Variants in RIMBP2 observed in about 807,000 individuals in gnomAD.
RIMBP2 encodes the protein RIMS-binding protein 2.
A neutral mutation model predicts 118.6 loss-of-function variants in RIMBP2; 48 were observed. That is an observed-to-expected ratio of 0.40 (90% CI 0.32 to 0.51). The LOEUF (loss-of-function observed/expected upper bound fraction) is 0.51. Ranked by LOEUF, RIMBP2 falls within the 20% of genes least tolerant of loss-of-function variation. The probability of loss-of-function intolerance (pLI) is 0.41; values close to 1 mark genes in which losing one functional copy is unlikely to be tolerated. For missense variants in RIMBP2, 1,551 were observed against 1,768.3 expected (o/e 0.88, Z 2.20); for synonymous variants, 762 against 742.9 (o/e 1.03, Z -0.42).
At chr12:130,514,885 CT>C (rs36058610) in intron 3 of RIMBP2, among the ~76,000 whole-genome samples, 3 of 150,920 alleles carry the variant, frequency 2.0e-5, no homozygotes, top group Non-Finnish European at 4.4e-5. Context: ...TATTAAGACA[CT>C]TTTTTTTTGA....
chr12:130,662,731 G>A (rs1448568171), intron 1 of RIMBP2, among the ~76,000 whole-genome samples: 12 of 152,108 alleles, frequency 7.9e-5, no homozygotes, highest in Admixed American at 7.9e-4. Flanking sequence ...CAAGGCAGGA[G>A]GATTGCTTGA....
At chr12:130,653,452 C>A (rs1238162623) in intron 1 of RIMBP2, among the ~76,000 whole-genome samples, 1 of 152,238 alleles carries the variant, frequency 6.6e-6, no homozygotes, top group Non-Finnish European at 1.5e-5. Context: ...CAGGGTGCAG[C>A]TCCCACGGCT....
At chr12:130,545,120 T>C (rs1431728632) in intron 2 of RIMBP2, among the ~76,000 whole-genome samples, 1 of 152,220 alleles carries the variant, frequency 6.6e-6, no homozygotes, top group Non-Finnish European at 1.5e-5. Flanking sequence ...ATTGTACCTA[T>C]ATATCATTGT....
intron 2 of RIMBP2, among the ~76,000 whole-genome samples, chr12:130,541,858 A>G (rs2054639393): frequency 6.6e-6 from 1 of 152,198 alleles, no homozygotes; most frequent in Non-Finnish European, 1.5e-5. Flanking sequence ...TTCTAGGTGT[A>G]CTAGCTCATG....
At position 130,424,334 on chromosome 12, in the gene RIMBP2, GC is replaced by G; in HGVS notation, c.2936del (p.Gly979AlafsTer42). 1 of 1,231,960 alleles carries G rather than the reference GC, an allele frequency of 8.1e-7. No homozygotes were observed. Among genetic ancestry groups the G allele is most frequent in the Non-Finnish European group, 1.0e-6 (1 of 987,882 alleles). 76.3% of individuals were successfully genotyped at this position (1,231,960 alleles called of 1,614,324 possible). A position where few individuals can be genotyped will look rare whatever the true frequency, so the allele number is the denominator to read the frequency against. On this transcript the variant is annotated frameshift_variant, in exon 16 of 23. Transcript: ENST00000690449. LOFTEE classifies it high-confidence loss of function. This position sits in a 1 kb window ranked among gnomAD's most constrained non-coding sequence, Gnocchi z 9.8. ...CGTCGTTCCTGAGGAGGCCACCAGG[GC>G]CCACCTGCTCCCCAAAGTCCTCCTC... ...SVEEDFGEQVGPGGLLRNDDP... is the reference protein window; with the variant it reads ...SVEEDFGEQVXPGGLLRNDDP...
rs1258438184 is a variant in RIMBP2 at position 130,576,199 on chromosome 12, G to A, written c.-217+52123C>T. ...GTAGGAACCTTGCTTTGTATCCTGA[G>A]CATGAGAAGACGTCTTTTTTACCTT... On this transcript the variant is annotated intron_variant, in intron 2 of 22. Coordinates refer to ENST00000690449, the MANE Select transcript of RIMBP2 (RefSeq NM_001393629.1). This position sits in a 1 kb window ranked among gnomAD's most constrained non-coding sequence, Gnocchi z 4.2. 6.6e-6 allele frequency among the ~76,000 whole-genome samples: 1 copy of A among 152,148 alleles called. No individual in the cohort carries two copies. Among genetic ancestry groups the A allele is most frequent in the Non-Finnish European group, 1.5e-5 (1 of 68,024 alleles).
At chr12:130,486,553 A>G (rs1234687881) in intron 4 of RIMBP2, among the ~76,000 whole-genome samples, 1 of 151,310 alleles carries the variant, frequency 6.6e-6, no homozygotes, top group Non-Finnish European at 1.5e-5. Context: ...TGTCCGAAAT[A>G]GAATTCTTGA....
chr12:130,552,927 C>T (rs573597290), intron 2 of RIMBP2, among the ~76,000 whole-genome samples: 2 of 151,910 alleles, frequency 1.3e-5, no homozygotes, highest in African/African-American at 4.8e-5. Flanking sequence ...CCGAGGCAGG[C>T]GGATCACGAG....
chr12:130,461,214 G>A (rs1414111960), intron 6 of RIMBP2, among the ~76,000 whole-genome samples: 1 of 152,120 alleles, frequency 6.6e-6, no homozygotes, highest in Non-Finnish European at 1.5e-5. Context: ...TTGTAGGGAC[G>A]CTGGCTCTGC....
intron 13 of RIMBP2, among the ~76,000 whole-genome samples, chr12:130,435,267 C>G (rs1027030243): frequency 2.0e-5 from 3 of 152,106 alleles, no homozygotes; most frequent in Non-Finnish European, 4.4e-5. Flanking sequence ...TGGTCTCAAA[C>G]TCCTGAGCTC....
chr12:130,503,406 A>AT (rs397956054), intron 4 of RIMBP2, among the ~76,000 whole-genome samples: 2 of 88,998 alleles, frequency 2.2e-5, no homozygotes, highest in Non-Finnish European at 5.6e-5. Context: ...AAAAGAAAAA[A>AT]CAAAAAACAA....
chr12:130,649,368 G>A (rs2063126988), intron 1 of RIMBP2, among the ~76,000 whole-genome samples: 1 of 152,196 alleles, frequency 6.6e-6, no homozygotes, highest in African/African-American at 2.4e-5. Flanking sequence ...CTCCGTGGCC[G>A]CCCAACCCCT....
chr12:130,566,709 G>C (rs2057246027), intron 2 of RIMBP2, among the ~76,000 whole-genome samples: 1 of 152,240 alleles, frequency 6.6e-6, no homozygotes, highest in Non-Finnish European at 1.5e-5. Context: ...AGAAGCTGAA[G>C]CCAGACCAGG....
chr12:130,479,263 G>A (rs974020169), intron 4 of RIMBP2, among the ~76,000 whole-genome samples: 2 of 152,234 alleles, frequency 1.3e-5, no homozygotes, highest in South Asian at 2.1e-4. Context: ...CAAATGCAGC[G>A]AGCATTTGAG....
chr12:130,437,127 G>A lies in RIMBP2; in HGVS notation c.1821C>T (p.Thr607=), dbSNP rs763651282. 6.3e-7 allele frequency: 1 copy of A among 1,585,492 alleles called. No homozygotes were observed. Among genetic ancestry groups the A allele is most frequent in the Admixed American group, 1.7e-5 (1 of 57,272 alleles). Residue 607 remains threonine (T), a synonymous_variant, in exon 13 of 23, where the codon ACC becomes ACT. Coordinates refer to ENST00000690449, the MANE Select transcript of RIMBP2 (RefSeq NM_001393629.1). The part of the protein sequence containing the change: ...AVPPELLVPP[T]PHPRPAPQSK... ...ATTGGGGTGCAGGTCTCGGGTGGGG[G>A]GTAGGAGGCACCAGGAGCTCGGGGG...
intron 4 of RIMBP2, among the ~76,000 whole-genome samples, chr12:130,481,806 A>G (rs2082031777): frequency 1.3e-5 from 2 of 152,080 alleles, no homozygotes; most frequent in African/African-American, 4.8e-5. Flanking sequence ...TATTTGCTGC[A>G]CAGCCCTCCC....
chr12:130,665,610 C>A (rs1416723803), intron 1 of RIMBP2, among the ~76,000 whole-genome samples: 5 of 151,688 alleles, frequency 3.3e-5, no homozygotes, highest in African/African-American at 9.8e-5. Flanking sequence ...CGTGAGGAAC[C>A]TTCTGTAAAA....
rs78546946 is a variant in RIMBP2, at chr12:130,612,582, T to C, written c.-217+15740A>G. ...AGCACATTATGGGAAAATGGTGTTT[T>C]TTAAAATAATTAAAACACCATTTGA... is the stretch of plus-strand genomic sequence containing the variant. On this transcript the variant is annotated intron_variant, in intron 2 of 22. Transcript: ENST00000690449. Among the ~76,000 whole-genome samples, 1,258 of 152,314 alleles carry C rather than the reference T, an allele frequency of 8.3e-3. 21 individuals are homozygous for C. Among genetic ancestry groups the C allele is most frequent in the African/African-American group, 0.029 (1,207 of 41,572 alleles).
At chr12:130,663,408 G>A (rs2063743002) in intron 1 of RIMBP2, among the ~76,000 whole-genome samples, 1 of 148,118 alleles carries the variant, frequency 6.8e-6, no homozygotes, top group African/African-American at 2.7e-5. Flanking sequence ...AACTAGGCAA[G>A]TTCAGCAGCA....
Sources: gnomAD v4.1 joint callset for allele counts (sites outside exome capture counted in the v4.1 genomes callset) on GRCh38, gnomAD v4.1.1 for gene constraint, Gnocchi (gnomAD v3.1) non-coding constraint, MANE v1.5 for transcripts, NCBI Gene and HGNC (gene_info 2026-07-23, HGNC 2026-07-21) for gene names.